The following LHPP variants were observed in gnomAD, a reference collection of about 807,000 sequenced individuals.
LHPP encodes hLHPP.
A neutral mutation model predicts 30.3 loss-of-function variants in LHPP; 24 were observed. The ratio of observed to expected loss-of-function variants is 0.79; its 90% CI spans 0.57 to 1.11. LHPP has a LOEUF of 1.11. Ranked by LOEUF, LHPP falls within the 50% of genes most tolerant of loss-of-function variation. The pLI, the probability that LHPP is intolerant of heterozygous loss-of-function variation, is 0.00. For synonymous variants in LHPP, 150 were observed against 157.1 expected (o/e 0.95, Z 0.34); for missense variants, 356 against 367.2 (o/e 0.97, Z 0.25).
intron 2 of LHPP, among the ~76,000 whole-genome samples, chr10:124,485,086 G>C (rs948608269): frequency 6.6e-6 from 1 of 151,966 alleles, no homozygotes; most frequent in African/African-American, 2.4e-5. Flanking sequence ...CCTTTCCAGG[G>C]CAAGGTGGGG....
Position 124,596,386 on chromosome 10 carries a change from C to T in LHPP, c.717-16878C>T, listed in dbSNP as rs1425735835. 6.6e-6 allele frequency among the ~76,000 whole-genome samples: 1 copy of T among 152,208 alleles called. No individual in the cohort carries two copies. The highest frequency in any genetic ancestry group is 2.4e-5 in the African/African-American group (1 of 41,446). ...GCTCCCGCCAGCCTCGCTGAGTTCCCATAGCACCATGTCTTCTGCAGCACA... is the reference window on the plus strand; with the variant it reads ...GCTCCCGCCAGCCTCGCTGAGTTCCTATAGCACCATGTCTTCTGCAGCACA... On this transcript the variant is annotated intron_variant, in intron 6 of 6. Coordinates refer to ENST00000368842, the MANE Select transcript of LHPP (RefSeq NM_022126.4). This position sits in a 1 kb window ranked among gnomAD's most constrained non-coding sequence, Gnocchi z 4.6.
chr10:124,473,154 G>A (rs970302732), intron 1 of LHPP, among the ~76,000 whole-genome samples: 3 of 152,130 alleles, frequency 2.0e-5, no homozygotes, highest in Admixed American at 2.0e-4. Flanking sequence ...GGAAGCCCTT[G>A]GCCAATTACA....
intron 6 of LHPP, among the ~76,000 whole-genome samples, chr10:124,606,553 C>G (rs1417065739): frequency 6.6e-6 from 1 of 152,242 alleles, no homozygotes; most frequent in African/African-American, 2.4e-5. Flanking sequence ...ACGCCAACTT[C>G]GTGTGCAGTC....
chr10:124,590,954 T>G lies in LHPP; in HGVS notation c.717-22310T>G, dbSNP rs574335210. Among the ~76,000 whole-genome samples, 33 of 152,320 alleles carry G rather than the reference T, an allele frequency of 2.2e-4. No individual in the cohort carries two copies. The highest frequency in any genetic ancestry group is 3.4e-3 in the Middle Eastern group (1 of 294). On this transcript the variant is annotated intron_variant, in intron 6 of 6. Coordinates refer to ENST00000368842, the MANE Select transcript of LHPP (RefSeq NM_022126.4). This position sits in a 1 kb window ranked among gnomAD's most constrained non-coding sequence, Gnocchi z 4.3. ...GGATCCCTGTCTCAGACAGAAGCAG[T>G]CTCGCCCATCCTGGGGCCTGAGAGC... is the stretch of plus-strand genomic sequence containing the variant.
At chr10:124,474,098 G>C (rs967677182) in intron 1 of LHPP, among the ~76,000 whole-genome samples, 2 of 149,796 alleles carry the variant, frequency 1.3e-5, no homozygotes, top group African/African-American at 4.9e-5. Flanking sequence ...GTTGTTGAAG[G>C]GTCAAATAAT....
intron 1 of LHPP, among the ~76,000 whole-genome samples, chr10:124,464,059 T>C (rs1048386211): frequency 4.6e-5 from 7 of 152,254 alleles, no homozygotes; most frequent in African/African-American, 1.4e-4. Flanking sequence ...GCTGAAGTGA[T>C]CTGCCTGCCT....
In LHPP at chr10:124,613,493, C is replaced by T; in HGVS notation, c.*133C>T. Reference sequence around the variant, plus strand: ...CACCCCTGCCTCTCCTCCACCCCTGCCTCCCCTCCACCTGCCCCAGTGCCC... The same window carrying T: ...CACCCCTGCCTCTCCTCCACCCCTGTCTCCCCTCCACCTGCCCCAGTGCCC... On this transcript the variant is annotated 3_prime_UTR_variant, in exon 7 of 7. Transcript: ENST00000368842. 1.5e-6 allele frequency: 1 copy of T among 672,924 alleles called. No homozygotes were observed. Among genetic ancestry groups the T allele is most frequent in the Non-Finnish European group, 2.7e-6 (1 of 377,056 alleles). The allele number at this position is 672,924 out of a possible 1,614,324, so 41.7% of individuals were successfully genotyped here.
At chr10:124,557,299 A>G (rs1948319831) in intron 6 of LHPP, among the ~76,000 whole-genome samples, 1 of 152,230 alleles carries the variant, frequency 6.6e-6, no homozygotes, top group Non-Finnish European at 1.5e-5. Flanking sequence ...TTGAGCTGAT[A>G]GAGAAGGCCC....
At chr10:124,562,406 T>G (rs79369005) in intron 6 of LHPP, among the ~76,000 whole-genome samples, 1,543 of 152,242 alleles carry the variant, frequency 0.01, 21 homozygotes, top group African/African-American at 0.036. Flanking sequence ...GAAAACTCCA[T>G]GGATGGGTTT....
rs1298756507 is a variant in LHPP at position 124,541,953 on chromosome 10, C to T, written c.716+24682C>T. ...TCGCAGAGTGCCCTGTGCCCACATG[C>T]TGTCCCTGTCCAGACATGAAACGGA... is the stretch of plus-strand genomic sequence containing the variant. On this transcript the variant is annotated intron_variant, in intron 6 of 6. Coordinates refer to ENST00000368842, the MANE Select transcript of LHPP (RefSeq NM_022126.4). The surrounding 1 kb of genome is among the most constrained non-coding windows in gnomAD (Gnocchi z 4.2). 6.6e-6 allele frequency among the ~76,000 whole-genome samples: 1 copy of T among 152,124 alleles called. No homozygotes were observed. The highest frequency in any genetic ancestry group is 1.5e-5 in the Non-Finnish European group (1 of 68,004).
intron 6 of LHPP, among the ~76,000 whole-genome samples, chr10:124,567,923 T>C (rs909460856): frequency 3.3e-5 from 5 of 152,230 alleles, no homozygotes; most frequent in Non-Finnish European, 7.3e-5. Flanking sequence ...TTTTCTTTCT[T>C]TCCTTTTTAA....
chr10:124,480,518 C>T (rs1953090813), intron 1 of LHPP, among the ~76,000 whole-genome samples: 1 of 152,168 alleles, frequency 6.6e-6, no homozygotes, highest in African/African-American at 2.4e-5. Context: ...GTCACATCAT[C>T]ATTCATTAGC....
chr10:124,494,672 G>A lies in LHPP; in HGVS notation c.468-2289G>A, dbSNP rs185278551. ...GGATTCCAAGGTGCTCCCTGGACCC[G>A]GACCTCCCCTTCACTTCCTTTTAGC... On this transcript the variant is annotated intron_variant, in intron 3 of 6. Coordinates refer to ENST00000368842, the MANE Select transcript of LHPP (RefSeq NM_022126.4). Among the ~76,000 whole-genome samples the A allele has an allele frequency of 1.7e-4, 26 of 152,250 alleles. No homozygotes were observed. In the South Asian group the frequency reaches 2.5e-3, roughly 15 times the overall value.
At chr10:124,608,159 T>A (rs1949119884) in intron 6 of LHPP, among the ~76,000 whole-genome samples, 1 of 152,134 alleles carries the variant, frequency 6.6e-6, no homozygotes, top group South Asian at 2.1e-4. Context: ...GGGTCCTGCT[T>A]GGAGCCTTTC....
At chr10:124,516,047 C>A (rs1954445689) in intron 5 of LHPP, among the ~76,000 whole-genome samples, 2 of 152,244 alleles carry the variant, frequency 1.3e-5, no homozygotes, top group African/African-American at 4.8e-5. Context: ...GTTCAGGGAT[C>A]CTACTGGGCT....
intron 1 of LHPP, among the ~76,000 whole-genome samples, chr10:124,481,379 T>C (rs907076152): frequency 8.1e-6 from 1 of 122,930 alleles, no homozygotes; most frequent in Non-Finnish European, 1.9e-5. Context: ...CCCCCTTTTT[T>C]TTTTTTTTTT....
chr10:124,463,340 G>A (rs1479380746), intron 1 of LHPP, among the ~76,000 whole-genome samples: 1 of 151,428 alleles, frequency 6.6e-6, no homozygotes, highest in Non-Finnish European at 1.5e-5. Context: ...AGAGAACATC[G>A]TGCCAGCCAA....
At chr10:124,498,882 C>CT (rs565604598) in intron 5 of LHPP, 6,246 of 193,086 alleles carry the variant, frequency 0.032, 16 homozygotes, top group South Asian at 0.089. Context: ...GCCTGGCAAA[C>CT]TTTTTTTTTT....
intron 1 of LHPP, among the ~76,000 whole-genome samples, chr10:124,471,332 T>C (rs1952725936): frequency 1.4e-5 from 2 of 145,704 alleles, no homozygotes; most frequent in African/African-American, 5.1e-5. Flanking sequence ...TTTTGAATTC[T>C]TTGTAGCCTC....
Sources: allele counts gnomAD v4.1 joint callset (sites outside exome capture counted in the v4.1 genomes callset), GRCh38; gene constraint gnomAD v4.1.1; non-coding constraint Gnocchi (gnomAD v3.1); transcripts MANE v1.5; gene names NCBI Gene and HGNC (gene_info 2026-07-23, HGNC 2026-07-21).